The following AMBRA1 variants were observed in gnomAD, a reference collection of about 807,000 sequenced individuals.
The protein encoded by AMBRA1 is autophagy and beclin 1 regulator 1, also known as activating molecule in BECN1-regulated autophagy protein 1.
AMBRA1 carries 47 observed loss-of-function variants against 125.4 expected under a neutral mutation model. The observed-to-expected ratio is 0.37, with a 90% CI of 0.30 to 0.48. The LOEUF (loss-of-function observed/expected upper bound fraction) is 0.48. Ranked by LOEUF, AMBRA1 falls within the 20% of genes least tolerant of loss-of-function variation. AMBRA1 has a pLI of 0.99. For synonymous variants in AMBRA1, 626 were observed against 655.5 expected, an observed-to-expected ratio of 0.95 and a Z score of 0.69; for missense variants, 1,331 against 1,693.4, an observed-to-expected ratio of 0.79 and a Z score of 3.76.
chr11:46,488,162 T>C (rs1161419838), intron 11 of AMBRA1, among the ~76,000 whole-genome samples: 5 of 152,098 alleles, frequency 3.3e-5, no homozygotes, highest in African/African-American at 9.7e-5. Context: ...TAATCAAAAA[T>C]TGACAAAATT....
rs778085288 is a variant in AMBRA1, at chr11:46,512,861, C to T, written c.2073-48G>A. ...CAATAATCCCTGTCAATTACCAACT[C>T]AGAGGTCATTCATAAGGAAAAATGA... On this transcript the variant is annotated intron_variant, in intron 7 of 17. Coordinates refer to ENST00000683756, the MANE Select transcript of AMBRA1 (RefSeq NM_001387011.1). 39 of 1,531,584 alleles carry T rather than the reference C, an allele frequency of 2.5e-5. No individual in the cohort carries two copies. In the East Asian group the frequency reaches 8.4e-4, roughly 33 times the overall value. 94.9% of individuals were successfully genotyped at this position (1,531,584 alleles called of 1,614,324 possible). A position where few individuals can be genotyped will look rare whatever the true frequency, so the allele number is the denominator to read the frequency against.
At chr11:46,423,397 T>A (rs1946943078) in intron 14 of AMBRA1, among the ~76,000 whole-genome samples, 1 of 152,032 alleles carries the variant, frequency 6.6e-6, no homozygotes, top group South Asian at 2.1e-4. Flanking sequence ...TTATTTTATT[T>A]TTTTTCTTTT....
At chr11:46,520,141 A>G (rs942764136) in intron 7 of AMBRA1, among the ~76,000 whole-genome samples, 21 of 86,642 alleles carry the variant, frequency 2.4e-4, no homozygotes, top group Admixed American at 3.8e-4. Context: ...CTCCGCCTCG[A>G]AAAAAAAAAA....
chr11:46,471,280 A>T (rs565335071), intron 11 of AMBRA1, among the ~76,000 whole-genome samples: 1 of 152,040 alleles, frequency 6.6e-6, no homozygotes. Flanking sequence ...CACCTCTGCT[A>T]AAAAATATAA....
intron 7 of AMBRA1, among the ~76,000 whole-genome samples, chr11:46,520,716 C>T (rs373502308): frequency 1.3e-5 from 2 of 151,738 alleles, no homozygotes; most frequent in East Asian, 1.9e-4. Context: ...CTGCCTCAGC[C>T]TCCCGAGTAG....
At chr11:46,545,476 A>C in intron 5 of AMBRA1, 128 bp downstream of exon 5, 1 of 1,083,548 alleles carries the variant, frequency 9.2e-7, no homozygotes, top group Non-Finnish European at 1.3e-6. Context: ...AAAAAATAGG[A>C]GGAGCTATGA....
intron 9 of AMBRA1, among the ~76,000 whole-genome samples, chr11:46,500,777 G>T (rs1364074357): frequency 6.6e-6 from 1 of 152,052 alleles, no homozygotes; most frequent in African/African-American, 2.4e-5. Context: ...CTCTCTCACA[G>T]TTCTATGCAG....
chr11:46,548,117 C>G (rs1422665142), intron 2 of AMBRA1, 129 bp downstream of exon 2: 5 of 1,390,360 alleles, frequency 3.6e-6, no homozygotes, highest in Admixed American at 4.0e-5. Context: ...AAACAACTCC[C>G]TAAGTCAGAT....
intron 12 of AMBRA1, among the ~76,000 whole-genome samples, chr11:46,442,433 A>G (rs1948065583): frequency 6.6e-6 from 1 of 151,906 alleles, no homozygotes; most frequent in Admixed American, 6.6e-5. Context: ...GTGAGCTGCT[A>G]CACCTGGCTG....
At chr11:46,441,956 A>G (rs1366893307) in intron 12 of AMBRA1, among the ~76,000 whole-genome samples, 2 of 136,164 alleles carry the variant, frequency 1.5e-5, no homozygotes, top group East Asian at 4.1e-4. Context: ...GGCTCAGTGC[A>G]AAAAAAAAAA....
intron 9 of AMBRA1, among the ~76,000 whole-genome samples, chr11:46,506,060 C>T (rs989642309): frequency 1.3e-5 from 2 of 152,200 alleles, no homozygotes; most frequent in African/African-American, 4.8e-5. Flanking sequence ...TCAACTGCTT[C>T]CCTGAATAGA....
At chr11:46,478,597 A>G (rs574231653) in intron 11 of AMBRA1, among the ~76,000 whole-genome samples, 26 of 151,544 alleles carry the variant, frequency 1.7e-4, no homozygotes, top group African/African-American at 6.1e-4. Flanking sequence ...TTCTCTGAAT[A>G]ACCCAAATAA....
At chr11:46,527,242 A>G (rs1952011687) in intron 7 of AMBRA1, among the ~76,000 whole-genome samples, 1 of 151,986 alleles carries the variant, frequency 6.6e-6, no homozygotes, top group African/African-American at 2.4e-5. Flanking sequence ...CATTTTGGGA[A>G]GTCAAGGCGG....
chr11:46,428,928 C>A (rs1460797432), intron 14 of AMBRA1: 1 of 1,612,034 alleles, frequency 6.2e-7, no homozygotes, highest in Non-Finnish European at 8.5e-7. Context: ...TACTGGATAC[C>A]CTCATTGGTA....
chr11:46,593,736 G>T (rs1055986400), intron 1 of AMBRA1, 92 bp downstream of exon 1: 6 of 385,248 alleles, frequency 1.6e-5, no homozygotes, highest in African/African-American at 1.2e-4. Flanking sequence ...CACGGCGGCC[G>T]GCCAGCCTGC....
chr11:46,409,930 C>T (rs1946206213), intron 16 of AMBRA1, among the ~76,000 whole-genome samples: 1 of 152,232 alleles, frequency 6.6e-6, no homozygotes, highest in Non-Finnish European at 1.5e-5. Context: ...CCCTGAGGTC[C>T]TGGTCATCTG....
chr11:46,509,559 C>A (rs918153711), intron 8 of AMBRA1, among the ~76,000 whole-genome samples: 5 of 152,020 alleles, frequency 3.3e-5, no homozygotes, highest in Non-Finnish European at 5.9e-5. Flanking sequence ...AAATGCCCAG[C>A]AACAAATTAA....
chr11:46,464,787 C>A (rs1242325637), intron 11 of AMBRA1, among the ~76,000 whole-genome samples: 1 of 151,868 alleles, frequency 6.6e-6, no homozygotes, highest in Non-Finnish European at 1.5e-5. Flanking sequence ...TGGCTCACAC[C>A]TGTAATCCAA....
At chr11:46,468,585 TC>T (rs1461325360) in intron 11 of AMBRA1, among the ~76,000 whole-genome samples, 1 of 149,246 alleles carries the variant, frequency 6.7e-6, no homozygotes, top group Non-Finnish European at 1.5e-5. Context: ...CATCACAAGG[TC>T]AGGAGATCGA....
Sources: allele counts gnomAD v4.1 joint callset (sites outside exome capture counted in the v4.1 genomes callset), GRCh38; gene constraint gnomAD v4.1.1; transcripts MANE v1.5; gene names NCBI Gene and HGNC (gene_info 2026-07-23, HGNC 2026-07-21).